PIGX: variants seen among roughly 807,000 people sequenced by gnomAD.
PIGX encodes the protein phosphatidylinositol glycan anchor biosynthesis class X, also known as GPI alpha-1,4-mannosyltransferase I, stabilizing subunit.
PIGX carries 24 observed loss-of-function variants against 28.7 expected under a neutral mutation model. The ratio of observed to expected loss-of-function variants is 0.84; its 90% CI spans 0.60 to 1.17. The LOEUF (loss-of-function observed/expected upper bound fraction) is 1.17, where lower values mean the gene tolerates loss of function less well. Among genes scored for constraint, PIGX ranks in the 50% most tolerant of loss-of-function variants. The pLI is 0.00. For synonymous variants in PIGX, 127 were observed against 121.0 expected, an observed-to-expected ratio of 1.05 and a Z score of -0.33; for missense variants, 305 against 317.8, an observed-to-expected ratio of 0.96 and a Z score of 0.31.
chr3:196,720,748 ATCTCT>A (rs77654748), intron 2 of PIGX, among the ~76,000 whole-genome samples: 55,956 of 150,958 alleles, frequency 0.37, 10,336 homozygotes, highest in East Asian at 0.55. Context: ...ATCATTTCTG[ATCTCT>A]TCTTTCTTAT....
intron 2 of PIGX, among the ~76,000 whole-genome samples, chr3:196,722,201 A>G (rs1428106585): frequency 6.6e-6 from 1 of 152,118 alleles, no homozygotes; most frequent in Non-Finnish European, 1.5e-5. Context: ...ATCTTTGTCT[A>G]TTTTTACAAT....
At chr3:196,716,135 C>T (rs1480595318) in intron 1 of PIGX, among the ~76,000 whole-genome samples, 2 of 152,160 alleles carry the variant, frequency 1.3e-5, no homozygotes, top group East Asian at 1.9e-4. Context: ...ACCTCAAGTG[C>T]GAGCTGGCAC....
At position 196,722,407 on chromosome 3, in the gene PIGX, T is replaced by C. The variant is rs754555449; in HGVS notation, c.177-8T>C. On this transcript the variant is annotated splice_region_variant and splice_polypyrimidine_tract_variant and intron_variant, in intron 2 of 5. Coordinates refer to ENST00000392391, the MANE Select transcript of PIGX (RefSeq NM_017861.4). ...AAGAGATTTACTTTCAATGTACTTG[T>C]CTTACAGAGACCTTTTAATCAAAGT... is the stretch of plus-strand genomic sequence containing the variant. The C allele has an allele frequency of 1.9e-6, 3 of 1,601,614 alleles. No individual in the cohort carries two copies. The Admixed American group carries it at 5.1e-5, about 27-fold the overall frequency.
intron 5 of PIGX, among the ~76,000 whole-genome samples, chr3:196,731,584 G>A (rs1258044355): frequency 6.6e-6 from 1 of 152,178 alleles, no homozygotes; most frequent in Non-Finnish European, 1.5e-5. Flanking sequence ...ATACAGTTGG[G>A]AAGATGGATG....
intron 4 of PIGX, among the ~76,000 whole-genome samples, chr3:196,729,219 G>A (rs1577678913): frequency 6.6e-6 from 1 of 151,968 alleles, no homozygotes; most frequent in South Asian, 2.1e-4. Flanking sequence ...TGTAATCCCA[G>A]CTACTTGGGA....
intron 3 of PIGX, among the ~76,000 whole-genome samples, chr3:196,726,460 C>T (rs1171377382): frequency 2.0e-5 from 3 of 152,016 alleles, no homozygotes; most frequent in South Asian, 2.1e-4. Context: ...AGTGAGAGTC[C>T]GTCTCAAAAA....
Position 196,735,488 on chromosome 3 carries a change from C to T in PIGX, c.*1586C>T. 6.6e-6 allele frequency: 1 copy of T among 151,940 alleles called. No homozygotes were observed. Among genetic ancestry groups the T allele is most frequent in the East Asian group, 1.9e-4 (1 of 5,186 alleles). The allele number at this position is 151,940 out of a possible 1,614,324, so 9.4% of individuals were successfully genotyped here. On this transcript the variant is annotated 3_prime_UTR_variant, in exon 6 of 6. Coordinates refer to ENST00000392391, the MANE Select transcript of PIGX (RefSeq NM_017861.4). ...TTTTGGTGTTTTCATGGGACTACAT[C>T]TTGTATAATTTGACATGTATGACCT... is the stretch of plus-strand genomic sequence containing the variant.
intron 3 of PIGX, among the ~76,000 whole-genome samples, chr3:196,723,608 G>A (rs796424173): frequency 1.1e-3 from 166 of 144,574 alleles, no homozygotes; most frequent in African/African-American, 3.5e-3. Context: ...GAAGAACCCA[G>A]ATGATTTCTT....
At chr3:196,725,884 CA>C (rs1712500309) in intron 3 of PIGX, among the ~76,000 whole-genome samples, 1 of 152,140 alleles carries the variant, frequency 6.6e-6, no homozygotes, top group Non-Finnish European at 1.5e-5. Flanking sequence ...ATCTTAAAAA[CA>C]AAACCTTAAA....
intron 3 of PIGX, among the ~76,000 whole-genome samples, chr3:196,725,531 A>G (rs1056802603): frequency 3.9e-5 from 6 of 152,196 alleles, no homozygotes; most frequent in Non-Finnish European, 7.4e-5. Flanking sequence ...GATGCTGGGC[A>G]GGCCAAGGTA....
At chr3:196,714,949 G>A (rs1285399833) in intron 1 of PIGX, among the ~76,000 whole-genome samples, 1 of 152,214 alleles carries the variant, frequency 6.6e-6, no homozygotes, top group East Asian at 2.0e-4. Context: ...AGTGGCGCGT[G>A]CCTGTAGTCC....
At chr3:196,719,058 T>C (rs921306577) in intron 2 of PIGX, among the ~76,000 whole-genome samples, 3 of 152,204 alleles carry the variant, frequency 2.0e-5, no homozygotes, top group Non-Finnish European at 4.4e-5. Context: ...ATCTTCAGTG[T>C]GTTTCCTGTA....
At chr3:196,731,331 C>T (rs1712745796) in intron 5 of PIGX, among the ~76,000 whole-genome samples, 1 of 152,154 alleles carries the variant, frequency 6.6e-6, no homozygotes, top group Non-Finnish European at 1.5e-5. Flanking sequence ...GTGCCCGCCA[C>T]CACACCCAGC....
chr3:196,719,900 C>G (rs760893035), intron 2 of PIGX, among the ~76,000 whole-genome samples: 14 of 151,980 alleles, frequency 9.2e-5, no homozygotes, highest in Non-Finnish European at 1.9e-4. Context: ...AGTGATTCTT[C>G]TGCCTCAGCC....
chr3:196,729,144 C>T (rs983023959), intron 4 of PIGX, among the ~76,000 whole-genome samples: 1 of 151,838 alleles, frequency 6.6e-6, no homozygotes, highest in East Asian at 2.0e-4. Context: ...CCAGCCTGAC[C>T]AACATGGTGA....
intron 1 of PIGX, among the ~76,000 whole-genome samples, chr3:196,715,760 C>T (rs1577668673): frequency 6.6e-6 from 1 of 151,984 alleles, no homozygotes; most frequent in East Asian, 1.9e-4. Flanking sequence ...TCTCTGCTCA[C>T]TGCAGCCTCC....
Position 196,712,429 on chromosome 3 carries a change from A to G in PIGX, c.-104A>G. Reference sequence around the variant, plus strand: ...CGCACCCAGCACTCGGTCCCAGCCGATAAATCTGGGGCAGCGCGCGGTAGG... The same window carrying G: ...CGCACCCAGCACTCGGTCCCAGCCGGTAAATCTGGGGCAGCGCGCGGTAGG... On this transcript the variant is annotated 5_prime_UTR_variant, in exon 1 of 6. Transcript: ENST00000392391. 1 of 458,782 alleles carries G rather than the reference A, an allele frequency of 2.2e-6. No homozygotes were observed. The highest frequency in any genetic ancestry group is 3.1e-6 in the Non-Finnish European group (1 of 320,182). 28.4% of individuals were successfully genotyped at this position (458,782 alleles called of 1,614,324 possible).
intron 1 of PIGX, chr3:196,713,059 A>G: frequency 1.0e-6 from 1 of 986,140 alleles, no homozygotes; most frequent in Non-Finnish European, 1.2e-6. Context: ...TTGTTCGTGC[A>G]AGTAGTAGTT....
rs559664191 is a variant in PIGX, at chr3:196,712,762, G to A, written c.112+118G>A. 8.2e-6 allele frequency: 9 copies of A among 1,104,010 alleles called. No homozygotes were observed. The South Asian group carries it at 2.2e-4, about 27-fold the overall frequency. 68.4% of individuals were successfully genotyped at this position (1,104,010 alleles called of 1,614,324 possible). A position where few individuals can be genotyped will look rare whatever the true frequency, so the allele number is the denominator to read the frequency against. ...GGGACCTAGATCAGTAGGGCGAGCCGGAGGAGGTCAGACACTAGAGCCGTG... is the reference window on the plus strand; with the variant it reads ...GGGACCTAGATCAGTAGGGCGAGCCAGAGGAGGTCAGACACTAGAGCCGTG... On this transcript the variant is annotated intron_variant, in intron 1 of 5. Transcript: ENST00000392391.
Sources: gnomAD v4.1 joint callset for allele counts (sites outside exome capture counted in the v4.1 genomes callset) on GRCh38, gnomAD v4.1.1 for gene constraint, MANE v1.5 for transcripts, NCBI Gene and HGNC (gene_info 2026-07-23, HGNC 2026-07-21) for gene names.